KCNC4: variants seen among roughly 807,000 people sequenced by gnomAD.
KCNC4 encodes voltage-gated potassium channel KCNC4.
A neutral mutation model predicts 42.8 loss-of-function variants in KCNC4; 23 were observed. That is an observed-to-expected ratio of 0.54 (90% CI 0.39 to 0.76). The LOEUF (loss-of-function observed/expected upper bound fraction) is 0.76, where lower values mean the gene tolerates loss of function less well. Ranked by LOEUF, KCNC4 falls within the 30% of genes least tolerant of loss-of-function variation. The probability of loss-of-function intolerance (pLI) is 0.00; values close to 1 mark genes in which losing one functional copy is unlikely to be tolerated. For synonymous variants in KCNC4, 422 were observed against 393.5 expected (o/e 1.07, Z -0.86); for missense variants, 751 against 898.2 (o/e 0.84, Z 2.10).
chr1:110,230,463 T>C (rs1210785116), intron 3 of KCNC4, among the ~76,000 whole-genome samples: 3 of 152,204 alleles, frequency 2.0e-5, no homozygotes, highest in Non-Finnish European at 4.4e-5. Flanking sequence ...ATGCCACCAC[T>C]GTTTTCTCCT....
chr1:110,211,844 G>A lies in KCNC4; in HGVS notation c.345G>A (p.Leu115=). ...TCAACTACTACCGCACCGGCAAGCT[G>A]CACTGCCCCGCGGACGTGTGCGGGC... is the stretch of plus-strand genomic sequence containing the variant. The part of the protein sequence containing the change: ...YVLNYYRTGK[L]HCPADVCGPL... The change falls in exon 1 of 4, where the codon CTG becomes CTA. Residue 115 remains leucine, a synonymous_variant. Transcript: ENST00000438661. The surrounding 1 kb of genome is among the most constrained non-coding windows in gnomAD (Gnocchi z 6.5). The A allele has an allele frequency of 6.2e-7, 1 of 1,611,728 alleles. No individual in the cohort carries two copies.
chr1:110,215,110 C>T (rs1479701111), intron 1 of KCNC4, among the ~76,000 whole-genome samples: 1 of 152,278 alleles, frequency 6.6e-6, no homozygotes, highest in Non-Finnish European at 1.5e-5. Flanking sequence ...CACACAGCAA[C>T]CTGGTCATTT....
chr1:110,269,628 AC>A (rs1659605671), intron 1 of KCNC4, among the ~76,000 whole-genome samples: 2 of 152,386 alleles, frequency 1.3e-5, no homozygotes, highest in Admixed American at 1.3e-4. Context: ...TTTTATGTGA[AC>A]ATATGTTTTC....
chr1:110,266,153 A>G (rs1659537443), intron 1 of KCNC4, among the ~76,000 whole-genome samples: 1 of 152,198 alleles, frequency 6.6e-6, no homozygotes, highest in Admixed American at 6.5e-5. Flanking sequence ...ATAGGGGGAG[A>G]AATAATGGGC....
At chr1:110,258,876 T>G (rs1220364799) in intron 1 of KCNC4, among the ~76,000 whole-genome samples, 2 of 152,110 alleles carry the variant, frequency 1.3e-5, no homozygotes, top group Admixed American at 6.5e-5. Context: ...CAGCCTCCCC[T>G]CCTCCTGCTC....
chr1:110,277,226 CTT>C (rs1053613893), intron 1 of KCNC4, among the ~76,000 whole-genome samples: 1 of 152,214 alleles, frequency 6.6e-6, no homozygotes, highest in African/African-American at 2.4e-5. Flanking sequence ...AAATCACTTG[CTT>C]TTTAGCTGGA....
At chr1:110,228,649 A>G (rs1315852564) in intron 3 of KCNC4, 1 of 151,792 alleles carries the variant, frequency 6.6e-6, no homozygotes, top group Non-Finnish European at 1.5e-5. Flanking sequence ...GTTCCTGCTC[A>G]CCCCCTTCCA....
chr1:110,244,252 T>A (rs1196204077), exon 4 of KCNC4: 1 of 152,246 alleles, frequency 6.6e-6, no homozygotes, highest in Non-Finnish European at 1.5e-5. Flanking sequence ...TAGTCCCAGC[T>A]ACTCAGCAGG....
Position 110,226,258 on chromosome 1 carries a change from C to T in KCNC4, c.1819+80C>T, listed in dbSNP as rs779963288. On this transcript the variant is annotated intron_variant, in intron 3 of 3. Transcript: ENST00000438661. The stretch of plus-strand genomic sequence containing the variant: ...AGTCCCCCACCAAGAGCCTGAGGTC[C>T]CCCCCTCCCCTGAGACCGTGGCCGC... 3.0e-5 allele frequency: 38 copies of T among 1,248,278 alleles called. No homozygotes were observed. The East Asian group carries it at 6.9e-4, about 23-fold the overall frequency. The allele number at this position is 1,248,278 out of a possible 1,614,324, so 77.3% of individuals were successfully genotyped here.
chr1:110,240,117 G>T (rs1196370486), exon 4 of KCNC4: 1 of 152,304 alleles, frequency 6.6e-6, no homozygotes, highest in Admixed American at 6.5e-5. Context: ...AGGTCAGGGA[G>T]TGGGAAACGG....
At chr1:110,271,994 C>G (rs530958932) in intron 1 of KCNC4, among the ~76,000 whole-genome samples, 1 of 152,292 alleles carries the variant, frequency 6.6e-6, no homozygotes, top group East Asian at 1.9e-4. Context: ...CCCCCCTTCC[C>G]GCCACAATTT....
At chr1:110,282,871 G>A (rs1277325754) in intron 2 of KCNC4, 3 of 152,252 alleles carry the variant, frequency 2.0e-5, no homozygotes, top group Non-Finnish European at 4.4e-5. Context: ...TGACTTAAGA[G>A]AGATTGACTC....
intron 1 of KCNC4, chr1:110,222,187 T>C (rs1658136737): frequency 6.6e-6 from 1 of 152,224 alleles, no homozygotes; most frequent in African/African-American, 2.4e-5. Context: ...CTTTAGGGGC[T>C]TCCTCACCAT....
At chr1:110,219,015 A>C (rs1006382749) in intron 1 of KCNC4, among the ~76,000 whole-genome samples, 1 of 152,144 alleles carries the variant, frequency 6.6e-6, no homozygotes, top group Non-Finnish European at 1.5e-5. Flanking sequence ...GCAGTTTTCT[A>C]CTTGGGAAGT....
rs56100610 is a variant in KCNC4, at chr1:110,213,523, C to G, written c.678+1346C>G. ...AAGCCAGGCTGGCATAAATGCCAGG[C>G]CAGGGCAGATGCATCTTCTGCCTGG... On this transcript the variant is annotated intron_variant, in intron 1 of 3. Transcript: ENST00000438661. 8.6e-3 allele frequency among the ~76,000 whole-genome samples: 1,309 copies of G among 152,280 alleles called. 19 individuals carry two copies. The highest frequency in any genetic ancestry group is 0.011 in the Non-Finnish European group (767 of 68,022).
Position 110,223,981 on chromosome 1 carries a change from T to G in KCNC4, c.1615+81T>G, listed in dbSNP as rs1658259285. 8.7e-7 allele frequency: 1 copy of G among 1,149,244 alleles called. No homozygotes were observed. 71.2% of individuals were successfully genotyped at this position (1,149,244 alleles called of 1,614,324 possible). On this transcript the variant is annotated intron_variant, in intron 2 of 3. Coordinates refer to ENST00000438661, the MANE Select transcript of KCNC4 (RefSeq NM_001039574.3). The surrounding 1 kb of genome is among the most constrained non-coding windows in gnomAD (Gnocchi z 7.5). ...TCCAAATGGACCTCAGACCTTGGGATTTGGCATGTGTTTTGTGTGGGGCTT... is the reference window on the plus strand; with the variant it reads ...TCCAAATGGACCTCAGACCTTGGGAGTTGGCATGTGTTTTGTGTGGGGCTT...
At position 110,223,287 on chromosome 1, in the gene KCNC4, G is replaced by A. The variant is rs1472255669; in HGVS notation, c.1002G>A (p.Leu334=). ...PFYLEVGLSG[L]SSKAARDVLG... is the part of the protein sequence containing the mutation. ...ACCTGGAGGTGGGGCTGAGCGGCCT[G>A]TCATCCAAGGCGGCCCGCGACGTGC... The change falls in exon 2 of 4, where the codon CTG becomes CTA. Residue 334 remains leucine, a synonymous_variant. Transcript: ENST00000438661. This position sits in a 1 kb window ranked among gnomAD's most constrained non-coding sequence, Gnocchi z 7.5. 6.2e-7 allele frequency: 1 copy of A among 1,614,110 alleles called. No homozygotes were observed. Among genetic ancestry groups the A allele is most frequent in the Non-Finnish European group, 8.5e-7 (1 of 1,180,048 alleles).
chr1:110,223,911 G>T lies in KCNC4; in HGVS notation c.1615+11G>T. On this transcript the variant is annotated intron_variant, in intron 2 of 3. Coordinates refer to ENST00000438661, the MANE Select transcript of KCNC4 (RefSeq NM_001039574.3). This position sits in a 1 kb window ranked among gnomAD's most constrained non-coding sequence, Gnocchi z 7.5. ...AGAGGAAACGGGCAGGTGAGATTAG[G>T]GGTTGGGAAGGAAAATCCCTTTTCC... The T allele has an allele frequency of 6.4e-7, 1 of 1,567,344 alleles. No homozygotes were observed. Among genetic ancestry groups the T allele is most frequent in the South Asian group, 1.2e-5 (1 of 84,170 alleles).
rs917167661 is a variant in KCNC4, at chr1:110,239,515, A to G, written c.*7206A>G. Reference sequence around the variant, plus strand: ...TACTTACAGTCCTTTGTAACTATGAATTGTGTATTGCCTGCTTCCCTGTAA... The same window carrying G: ...TACTTACAGTCCTTTGTAACTATGAGTTGTGTATTGCCTGCTTCCCTGTAA... On this transcript the variant is annotated 3_prime_UTR_variant, in exon 4 of 4. Transcript: ENST00000369787. The G allele has an allele frequency of 2.0e-5, 3 of 152,266 alleles. No homozygotes were observed. In the East Asian group the frequency reaches 5.8e-4, roughly 29 times the overall value. 9.4% of individuals were successfully genotyped at this position (152,266 alleles called of 1,614,324 possible).
Sources: allele counts gnomAD v4.1 joint callset (sites outside exome capture counted in the v4.1 genomes callset), GRCh38; gene constraint gnomAD v4.1.1; non-coding constraint Gnocchi (gnomAD v3.1); transcripts MANE v1.5; gene names NCBI Gene and HGNC (gene_info 2026-07-23, HGNC 2026-07-21).